Variants in MCMBP observed in about 807,000 individuals in gnomAD.
MCMBP encodes mini-chromosome maintenance complex-binding protein.
MCMBP carries 31 observed loss-of-function variants against 81.3 expected under a neutral mutation model. That is an observed-to-expected ratio of 0.38 (90% CI 0.29 to 0.51). The LOEUF (loss-of-function observed/expected upper bound fraction) is 0.51, where lower values mean the gene tolerates loss of function less well. Ranked by LOEUF, MCMBP falls within the 20% of genes least tolerant of loss-of-function variation. The probability of loss-of-function intolerance (pLI) is 0.87; values close to 1 mark genes in which losing one functional copy is unlikely to be tolerated. For missense variants in MCMBP, 645 were observed against 772.1 expected (o/e 0.84, Z 1.95); for synonymous variants, 267 against 275.9 (o/e 0.97, Z 0.32).
At chr10:119,855,208 C>G (rs1288803872) in intron 5 of MCMBP, among the ~76,000 whole-genome samples, 2 of 152,060 alleles carry the variant, frequency 1.3e-5, no homozygotes, top group African/African-American at 4.8e-5. Flanking sequence ...AAGAAGAAAT[C>G]ACAAGGGAAA....
intron 8 of MCMBP, among the ~76,000 whole-genome samples, chr10:119,843,950 C>T (rs1172055314): frequency 1.3e-5 from 2 of 152,186 alleles, no homozygotes; most frequent in African/African-American, 4.8e-5. Flanking sequence ...GCGTGAGCCA[C>T]CATGCCTGGC....
intron 8 of MCMBP, 107 bp from the exon 9 acceptor site, chr10:119,843,533 C>T (rs1433501800): frequency 9.6e-7 from 1 of 1,041,614 alleles, no homozygotes; most frequent in African/African-American, 1.6e-5. Context: ...AAGAATATTT[C>T]CACCTGTACA....
intron 1 of MCMBP, among the ~76,000 whole-genome samples, chr10:119,868,963 C>A (rs1853568864): frequency 1.3e-5 from 2 of 152,264 alleles, no homozygotes; most frequent in South Asian, 4.1e-4. Flanking sequence ...GTGGAGCCAA[C>A]AAGGGCCTCA....
At chr10:119,857,269 AG>A (rs1853087179) in intron 5 of MCMBP, 68 bp downstream of exon 5, 2 of 1,124,052 alleles carry the variant, frequency 1.8e-6, no homozygotes, top group Non-Finnish European at 1.3e-6. Flanking sequence ...AGCTTTGCAA[AG>A]GAAGAATAAT....
chr10:119,848,980 AT>A (rs1433623291), intron 7 of MCMBP, among the ~76,000 whole-genome samples: 26 of 152,326 alleles, frequency 1.7e-4, no homozygotes, highest in African/African-American at 6.0e-4. Context: ...TGCAGGTGTG[AT>A]TAAATTAATA....
At chr10:119,832,128 T>C (rs773270235) in intron 14 of MCMBP, 28 bp from the exon 15 acceptor site, 1 of 1,588,358 alleles carries the variant, frequency 6.3e-7, no homozygotes, top group East Asian at 2.2e-5. Flanking sequence ...ATGTAAATGA[T>C]GTGCATTTTT....
At chr10:119,861,481 T>G (rs1853252000) in intron 1 of MCMBP, among the ~76,000 whole-genome samples, 1 of 152,110 alleles carries the variant, frequency 6.6e-6, no homozygotes, top group Non-Finnish European at 1.5e-5. Flanking sequence ...TGTGACTGAC[T>G]ATAATGCACA....
In MCMBP at chr10:119,832,098, T is replaced by G; in HGVS notation, c.1710A>C (p.Ala570=). ...EYSISDEITK[A]VEDDFVEMRK... is the part of the protein sequence containing the mutation. ...GCATTTCCACAAAGTCATCTTCAAC[T>G]GCCTTTATCAAAAGAGTAAATGTAA... is the stretch of plus-strand genomic sequence containing the variant. The change falls in exon 15 of 16, where the codon GCA becomes GCC. Residue 570 remains alanine (A), a splice_region_variant and synonymous_variant. Transcript: ENST00000369077. 6.2e-7 allele frequency: 1 copy of G among 1,611,530 alleles called. No individual in the cohort carries two copies. Among genetic ancestry groups the G allele is most frequent in the Non-Finnish European group, 8.5e-7 (1 of 1,179,194 alleles).
chr10:119,868,485 A>G (rs748716609), intron 1 of MCMBP, among the ~76,000 whole-genome samples: 1 of 152,226 alleles, frequency 6.6e-6, no homozygotes, highest in Non-Finnish European at 1.5e-5. Flanking sequence ...TTCAATTAAC[A>G]ACATTTCTGA....
At chr10:119,864,680 T>C (rs1853390231) in intron 1 of MCMBP, among the ~76,000 whole-genome samples, 1 of 151,972 alleles carries the variant, frequency 6.6e-6, no homozygotes. Flanking sequence ...TTTCTTCTGT[T>C]TAATTTGGGT....
chr10:119,831,885 C>T, intron 15 of MCMBP, 127 bp downstream of exon 15: 2 of 979,778 alleles, frequency 2.0e-6, no homozygotes, highest in Non-Finnish European at 3.0e-6. Flanking sequence ...TGAGCCCTTT[C>T]ATACAGCGTT....
chr10:119,859,295 CA>C (rs1853162378), intron 2 of MCMBP, 114 bp from the exon 3 acceptor site: 32 of 849,138 alleles, frequency 3.8e-5, no homozygotes, highest in Middle Eastern at 3.6e-4. Context: ...CACACACACA[CA>C]CACACACACC....
At chr10:119,831,861 C>T (rs534721022) in intron 15 of MCMBP, 151 bp downstream of exon 15, 7 of 811,262 alleles carry the variant, frequency 8.6e-6, no homozygotes, top group East Asian at 8.0e-5. Flanking sequence ...CAGCCAAACT[C>T]GATTCCCCCT....
chr10:119,859,101 C>T lies in MCMBP; in HGVS notation c.225G>A (p.Met75Ile). Residue 75 changes from methionine to isoleucine, a missense_variant, in exon 3 of 16, where the codon ATG becomes ATA. Physicochemically the swap from Met to Ile is conservative, Grantham distance 10. Transcript: ENST00000369077. ...CTCCCATGTAAAACTCAGGGTCAAA[C>T]ATATCCTGAATCATGCAACGAAATT... ...FVKFRCMIQDMFDPEFYMGVY... is the reference protein window; with the variant it reads ...FVKFRCMIQDIFDPEFYMGVY... The T allele has an allele frequency of 1.2e-6, 2 of 1,613,912 alleles. No individual in the cohort carries two copies. Among genetic ancestry groups the T allele is most frequent in the Admixed American group, 3.3e-5 (2 of 60,012 alleles).
chr10:119,852,802 AC>A (rs1436947131), intron 6 of MCMBP, among the ~76,000 whole-genome samples: 2 of 152,166 alleles, frequency 1.3e-5, no homozygotes, highest in East Asian at 3.8e-4. Context: ...GATAGAAAAG[AC>A]CTTTCCAGAT....
chr10:119,870,627 T>C (rs575751827), intron 1 of MCMBP, among the ~76,000 whole-genome samples: 8 of 152,214 alleles, frequency 5.3e-5, no homozygotes, highest in Admixed American at 2.6e-4. Context: ...AACTGCTTTT[T>C]TCTTTCTGTA....
chr10:119,837,138 G>A, intron 12 of MCMBP, 109 bp from the exon 13 acceptor site: 1 of 1,116,820 alleles, frequency 9.0e-7, no homozygotes, highest in Non-Finnish European at 1.3e-6. Context: ...TTTAATAAAG[G>A]GTATGAGGCG....
chr10:119,836,757 G>GTTTT lies in MCMBP; in HGVS notation c.1542+135_1542+138dup, dbSNP rs199759464. 4.1e-4 allele frequency: 123 copies of GTTTT among 296,976 alleles called. 10 individuals are homozygous for GTTTT. The highest frequency in any genetic ancestry group is 1.9e-3 in the African/African-American group (59 of 30,952). 18.4% of individuals were successfully genotyped at this position (296,976 alleles called of 1,614,324 possible). On this transcript the variant is annotated intron_variant, in intron 13 of 15. Coordinates refer to ENST00000369077, the MANE Select transcript of MCMBP (RefSeq NM_001256378.2). ...ATTCCCTTAATGATCAGCAGTCACAGTTTTTTTTTTTTTTTTTTTTTTTTT... is the reference window on the plus strand; with the variant it reads ...ATTCCCTTAATGATCAGCAGTCACAGTTTTTTTTTTTTTTTTTTTTTTTTTTTTT...
rs369428260 is a variant in MCMBP at position 119,847,573 on chromosome 10, T to C, written c.827+40A>G. 5.6e-6 allele frequency: 7 copies of C among 1,256,776 alleles called. No homozygotes were observed. The African/African-American group carries it at 9.1e-5, about 16-fold the overall frequency. The allele number at this position is 1,256,776 out of a possible 1,614,324, so 77.9% of individuals were successfully genotyped here. A position where few individuals can be genotyped will look rare whatever the true frequency, so the allele number is the denominator to read the frequency against. Reference sequence around the variant, plus strand: ...ACTCTCCTGAAAACTTGAAATTATATAAAAATAAAGGAGACCAAAAAAAGA... The same window carrying C: ...ACTCTCCTGAAAACTTGAAATTATACAAAAATAAAGGAGACCAAAAAAAGA... On this transcript the variant is annotated intron_variant, in intron 8 of 15. Transcript: ENST00000369077.
Sources: gnomAD v4.1 joint callset for allele counts (sites outside exome capture counted in the v4.1 genomes callset) on GRCh38, gnomAD v4.1.1 for gene constraint, MANE v1.5 for transcripts, NCBI Gene and HGNC (gene_info 2026-07-23, HGNC 2026-07-21) for gene names.